The following TRIM44 variants were observed in gnomAD, a reference collection of about 807,000 sequenced individuals.
The protein encoded by TRIM44 is tripartite motif-containing protein 44.
TRIM44 carries 13 observed loss-of-function variants against 37.4 expected under a neutral mutation model. That is an observed-to-expected ratio of 0.35 (90% CI 0.23 to 0.55). The LOEUF is 0.55. Ranked by LOEUF, TRIM44 falls within the 20% of genes least tolerant of loss-of-function variation. TRIM44 has a pLI of 0.89. For missense variants in TRIM44, 426 were observed against 437.2 expected, an observed-to-expected ratio of 0.97 and a Z score of 0.23; for synonymous variants, 175 against 157.2, an observed-to-expected ratio of 1.11 and a Z score of -0.85.
chr11:35,791,514 A>G (rs1241544769), intron 4 of TRIM44, among the ~76,000 whole-genome samples: 1 of 152,084 alleles, frequency 6.6e-6, no homozygotes, highest in Non-Finnish European at 1.5e-5. Context: ...CACTTCAAGC[A>G]TGACCCATAA....
At chr11:35,690,239 A>T (rs962876107) in intron 2 of TRIM44, among the ~76,000 whole-genome samples, 2 of 152,172 alleles carry the variant, frequency 1.3e-5, no homozygotes, top group African/African-American at 4.8e-5. Context: ...AAACCCAAGA[A>T]TGGTTTTCTT....
intron 2 of TRIM44, among the ~76,000 whole-genome samples, chr11:35,695,829 G>GT (rs1564956520): frequency 6.6e-6 from 1 of 151,262 alleles, no homozygotes; most frequent in East Asian, 1.9e-4. Flanking sequence ...TAGAGATCTC[G>GT]TACAACTTTG....
chr11:35,708,959 T>G (rs1851929049), intron 2 of TRIM44, among the ~76,000 whole-genome samples: 1 of 138,920 alleles, frequency 7.2e-6, no homozygotes, highest in Non-Finnish European at 1.5e-5. Flanking sequence ...AATAAATAAA[T>G]AAACATGCAC....
chr11:35,792,403 G>A (rs1853227854), intron 4 of TRIM44, among the ~76,000 whole-genome samples: 1 of 152,240 alleles, frequency 6.6e-6, no homozygotes, highest in South Asian at 2.1e-4. Flanking sequence ...ACAGCTCAGA[G>A]CTGAAGGGCT....
At chr11:35,682,472 C>G (rs1270287808) in intron 1 of TRIM44, among the ~76,000 whole-genome samples, 2 of 152,096 alleles carry the variant, frequency 1.3e-5, no homozygotes, top group Non-Finnish European at 2.9e-5. Flanking sequence ...AGGGTCAGGT[C>G]TGCCCCGAGG....
intron 4 of TRIM44, among the ~76,000 whole-genome samples, chr11:35,740,832 T>C (rs1232272048): frequency 2.0e-5 from 3 of 152,214 alleles, no homozygotes; most frequent in Non-Finnish European, 4.4e-5. Context: ...TTATCACATA[T>C]GGAGTGGGAA....
intron 3 of TRIM44, among the ~76,000 whole-genome samples, chr11:35,727,641 A>G (rs890340904): frequency 6.6e-6 from 1 of 152,174 alleles, no homozygotes; most frequent in South Asian, 2.1e-4. Context: ...ATTTCATTTA[A>G]TCCTTACGTC....
intron 2 of TRIM44, among the ~76,000 whole-genome samples, chr11:35,706,819 A>C (rs1215384286): frequency 6.6e-6 from 1 of 151,796 alleles, no homozygotes; most frequent in Non-Finnish European, 1.5e-5. Context: ...CTGAATGGGC[A>C]AAAACTGGAA....
chr11:35,747,240 G>A (rs1348342009), intron 4 of TRIM44, among the ~76,000 whole-genome samples: 1 of 152,168 alleles, frequency 6.6e-6, no homozygotes, highest in Non-Finnish European at 1.5e-5. Context: ...TTATCCAGCA[G>A]TAATACCTGC....
At chr11:35,735,587 T>C (rs1852317838) in intron 4 of TRIM44, 142 bp downstream of exon 4, 16 of 833,878 alleles carry the variant, frequency 1.9e-5, no homozygotes, top group Non-Finnish European at 2.8e-5. Context: ...TTGAAGATCT[T>C]ATTTTGTAAG....
chr11:35,785,016 AAAG>A (rs1853111758), intron 4 of TRIM44, among the ~76,000 whole-genome samples: 1 of 152,180 alleles, frequency 6.6e-6, no homozygotes, highest in Admixed American at 6.5e-5. Flanking sequence ...CAATAACCTT[AAAG>A]AAGGTATTGT....
intron 2 of TRIM44, among the ~76,000 whole-genome samples, chr11:35,705,656 A>G (rs901290261): frequency 5.4e-5 from 8 of 149,168 alleles, no homozygotes; most frequent in African/African-American, 1.9e-4. Flanking sequence ...CTGCTCCTGA[A>G]TGACTACTGG....
intron 4 of TRIM44, among the ~76,000 whole-genome samples, chr11:35,795,249 G>A (rs1853265999): frequency 6.6e-6 from 1 of 152,064 alleles, no homozygotes; most frequent in South Asian, 2.1e-4. Flanking sequence ...AGGGGTTATA[G>A]GAAGCCATTG....
Position 35,770,112 on chromosome 11 carries a change from G to A in TRIM44, c.1007+34667G>A, listed in dbSNP as rs1230139576. On this transcript the variant is annotated intron_variant, in intron 4 of 4. Transcript: ENST00000299413. ...CTATTATTGCCATCTTTATGTCTGT[G>A]TGTACCCAGTATTCAGCTCCCACTT... Among the ~76,000 whole-genome samples the A allele has an allele frequency of 2.0e-5, 3 of 152,088 alleles. No individual in the cohort carries two copies. In the East Asian group the frequency reaches 5.8e-4, roughly 29 times the overall value.
chr11:35,729,608 C>T (rs1852227592), intron 3 of TRIM44, among the ~76,000 whole-genome samples: 1 of 152,104 alleles, frequency 6.6e-6, no homozygotes, highest in South Asian at 2.1e-4. Context: ...TTTGGTTTCC[C>T]TCCTCCTCCC....
chr11:35,685,124 C>T (rs1851559414), intron 1 of TRIM44, 135 bp from the exon 2 acceptor site: 4 of 660,280 alleles, frequency 6.1e-6, no homozygotes, highest in South Asian at 1.9e-5. Flanking sequence ...GGGCAATGCA[C>T]CTCTCCTTTG....
intron 4 of TRIM44, among the ~76,000 whole-genome samples, chr11:35,750,831 G>A (rs183668190): frequency 1.6e-4 from 24 of 151,824 alleles, no homozygotes; most frequent in Non-Finnish European, 2.2e-4. Context: ...TATTTGTACC[G>A]CAATTAAAAG....
chr11:35,750,087 C>T, intron 4 of TRIM44, among the ~76,000 whole-genome samples: 1 of 152,302 alleles, frequency 6.6e-6, no homozygotes, highest in Non-Finnish European at 1.5e-5. Flanking sequence ...TGTGGCCACT[C>T]ATTCCAAAAT....
At position 35,717,211 on chromosome 11, in the gene TRIM44, G is replaced by A. The variant is rs983679964; in HGVS notation, c.748-8713G>A. ...TGGAATGAAATTGTTAAGGCAGAGT[G>A]TAGAGTAGTGCTTCTCTCAGTGGAA... On this transcript the variant is annotated intron_variant, in intron 2 of 4. Coordinates refer to ENST00000299413, the MANE Select transcript of TRIM44 (RefSeq NM_017583.6). 3.9e-5 allele frequency among the ~76,000 whole-genome samples: 6 copies of A among 152,330 alleles called. No homozygotes were observed. The East Asian group carries it at 7.7e-4, about 20-fold the overall frequency.
Sources: allele counts gnomAD v4.1 joint callset (sites outside exome capture counted in the v4.1 genomes callset), GRCh38; gene constraint gnomAD v4.1.1; transcripts MANE v1.5; gene names NCBI Gene and HGNC (gene_info 2026-07-23, HGNC 2026-07-21).